The following NCAM2 variants were observed in gnomAD, a reference collection of about 807,000 sequenced individuals.
NCAM2 encodes neural cell adhesion molecule 2, also known as N-CAM-2.
In NCAM2, 30 loss-of-function variants were observed where a neutral mutation model predicts 98.1. The observed-to-expected ratio is 0.31, with a 90% CI of 0.23 to 0.41. The LOEUF (loss-of-function observed/expected upper bound fraction) is 0.41, where lower values mean the gene tolerates loss of function less well. Ranked by LOEUF, NCAM2 falls within the 10% of genes least tolerant of loss-of-function variation. The probability of loss-of-function intolerance (pLI) is 1.00; values close to 1 mark genes in which losing one functional copy is unlikely to be tolerated. For missense variants in NCAM2, 867 were observed against 1,005.8 expected, an observed-to-expected ratio of 0.86 and a Z score of 1.87; for synonymous variants, 368 against 342.4, an observed-to-expected ratio of 1.07 and a Z score of -0.83.
intron 1 of NCAM2, among the ~76,000 whole-genome samples, chr21:21,070,282 T>C (rs1188260119): frequency 6.7e-6 from 1 of 150,138 alleles, no homozygotes; most frequent in Non-Finnish European, 1.5e-5. Flanking sequence ...TATATATATA[T>C]ATATAATCTA....
At position 21,526,813 on chromosome 21, in the gene NCAM2, G is replaced by A. The variant is rs149303692; in HGVS notation, c.2283-7724G>A. Reference sequence around the variant, plus strand: ...GAACCCAATAAAAACCTCAGAAATAGACCTACATAAATATACTCAAGTAAA... The same window carrying A: ...GAACCCAATAAAAACCTCAGAAATAAACCTACATAAATATACTCAAGTAAA... On this transcript the variant is annotated intron_variant, in intron 16 of 17. Transcript: ENST00000400546. 8.9e-4 allele frequency among the ~76,000 whole-genome samples: 135 copies of A among 152,074 alleles called. No individual in the cohort carries two copies. In the South Asian group the frequency reaches 0.012, roughly 13 times the overall value.
intron 1 of NCAM2, among the ~76,000 whole-genome samples, chr21:21,056,765 CA>C (rs1315987848): frequency 6.6e-6 from 1 of 151,910 alleles, no homozygotes; most frequent in Non-Finnish European, 1.5e-5. Flanking sequence ...TTGGTTTAAA[CA>C]TTTTAAAATT....
chr21:21,374,381 T>C (rs2075986618), intron 9 of NCAM2, among the ~76,000 whole-genome samples: 1 of 151,948 alleles, frequency 6.6e-6, no homozygotes, highest in South Asian at 2.1e-4. Flanking sequence ...ATATGTAGTG[T>C]TTACATTTCT....
At chr21:21,183,157 G>A (rs1413643372) in intron 1 of NCAM2, among the ~76,000 whole-genome samples, 1 of 152,062 alleles carries the variant, frequency 6.6e-6, no homozygotes, top group Non-Finnish European at 1.5e-5. Context: ...ATTACTTTTT[G>A]CAGTCTGTAC....
intron 8 of NCAM2, among the ~76,000 whole-genome samples, chr21:21,342,805 C>T (rs913888043): frequency 2.6e-5 from 4 of 152,172 alleles, no homozygotes; most frequent in African/African-American, 9.7e-5. Context: ...TTTGGAAATG[C>T]ATCTACAATT....
chr21:21,485,392 G>A (rs1396521905), intron 15 of NCAM2, among the ~76,000 whole-genome samples: 1 of 151,986 alleles, frequency 6.6e-6, no homozygotes, highest in Non-Finnish European at 1.5e-5. Flanking sequence ...CTGGACATCT[G>A]GTAGTCAGAA....
chr21:21,332,056 C>A (rs994691540), intron 6 of NCAM2, among the ~76,000 whole-genome samples: 1 of 151,856 alleles, frequency 6.6e-6, no homozygotes, highest in Non-Finnish European at 1.5e-5. Context: ...GCGCCCACCA[C>A]CACGCCCAGC....
At chr21:21,112,418 C>A (rs550824493) in intron 1 of NCAM2, among the ~76,000 whole-genome samples, 1 of 152,218 alleles carries the variant, frequency 6.6e-6, no homozygotes, top group Admixed American at 6.5e-5. Flanking sequence ...TCATTTTTTC[C>A]CGCTTGCTTG....
Position 21,466,665 on chromosome 21 carries a change from G to A in NCAM2, c.1714G>A (p.Val572Ile). Residue 572 changes from valine to isoleucine, a missense_variant, in exon 13 of 18, where the codon GTA (valine) becomes ATA (isoleucine). Around this residue, in one of 5 missense-constraint regions of NCAM2, gnomAD observed 234 missense variants for 333.8 expected, o/e 0.70. Coordinates refer to ENST00000400546, the MANE Select transcript of NCAM2 (RefSeq NM_004540.5). ...NTTYEIRVAA[V>I]NGKGQGDYSK... is the part of the protein sequence containing the mutation. ...AACTTATGAAATCAGGGTTGCAGCTGTAAATGGAAAGGGACAAGGAGACTA... is the reference window on the plus strand; with the variant it reads ...AACTTATGAAATCAGGGTTGCAGCTATAAATGGAAAGGGACAAGGAGACTA... The A allele has an allele frequency of 1.2e-6, 2 of 1,610,344 alleles. No homozygotes were observed. Among genetic ancestry groups the A allele is most frequent in the Non-Finnish European group, 1.7e-6 (2 of 1,177,780 alleles).
chr21:21,079,494 G>C (rs1789320335), intron 1 of NCAM2, among the ~76,000 whole-genome samples: 1 of 152,108 alleles, frequency 6.6e-6, no homozygotes, highest in Non-Finnish European at 1.5e-5. Context: ...TATTTTAAAG[G>C]GGTAAACAAT....
Position 21,414,473 on chromosome 21 carries a change from GT to G in NCAM2, c.1384-3985del, listed in dbSNP as rs35280147. 1.4e-3 allele frequency among the ~76,000 whole-genome samples: 199 copies of G among 137,406 alleles called. 2 individuals carry two copies. In the Middle Eastern group the frequency reaches 0.015, roughly 11 times the overall value. 90.1% of individuals were successfully genotyped at this position (137,406 alleles called of 152,430 possible). A position where few individuals can be genotyped will look rare whatever the true frequency, so the allele number is the denominator to read the frequency against. ...ATTGTATTTCTGTTTTTTGTTGTGT[GT>G]TTTTTTTTTTTTTTGAGAGGGAGTC... On this transcript the variant is annotated intron_variant, in intron 10 of 17. Transcript: ENST00000400546.
At chr21:21,098,356 C>A (rs1256614886) in intron 1 of NCAM2, among the ~76,000 whole-genome samples, 1 of 151,646 alleles carries the variant, frequency 6.6e-6, no homozygotes, top group Admixed American at 6.6e-5. Flanking sequence ...GCCTATTAGA[C>A]CTTTTTTCTG....
At chr21:21,325,713 A>C (rs1014817289) in intron 6 of NCAM2, among the ~76,000 whole-genome samples, 1 of 152,212 alleles carries the variant, frequency 6.6e-6, no homozygotes, top group African/African-American at 2.4e-5. Context: ...ACTGTTCTAC[A>C]ATCTTTTTTC....
chr21:21,158,695 G>A (rs953190815), intron 1 of NCAM2, among the ~76,000 whole-genome samples: 13 of 151,650 alleles, frequency 8.6e-5, no homozygotes, highest in East Asian at 1.9e-4. Context: ...TTAGCATATC[G>A]CATTACTCAC....
intron 1 of NCAM2, among the ~76,000 whole-genome samples, chr21:21,266,507 G>T (rs944995340): frequency 3.3e-5 from 5 of 152,120 alleles, no homozygotes; most frequent in Non-Finnish European, 5.9e-5. Context: ...TTAAGAAAAT[G>T]TGGCACATAT....
intron 9 of NCAM2, among the ~76,000 whole-genome samples, chr21:21,394,955 T>C (rs571461803): frequency 5.9e-5 from 9 of 152,274 alleles, no homozygotes; most frequent in East Asian, 1.9e-4. Context: ...CATTTTACTG[T>C]TATTGACTGA....
At chr21:21,530,206 T>C (rs1569141751) in intron 16 of NCAM2, among the ~76,000 whole-genome samples, 1 of 84,202 alleles carries the variant, frequency 1.2e-5, no homozygotes, top group Non-Finnish European at 2.6e-5. Context: ...TAATTATATA[T>C]AATTTAATTT....
At chr21:21,082,281 C>CAAAAAAAAAAA (rs11384165) in intron 1 of NCAM2, among the ~76,000 whole-genome samples, 21 of 127,854 alleles carry the variant, frequency 1.6e-4, no homozygotes, top group South Asian at 2.5e-4. Context: ...GAGCTCAAAA[C>CAAAAAAAAAAA]AAAAAAAAAA....
intron 1 of NCAM2, among the ~76,000 whole-genome samples, chr21:21,268,480 T>C (rs2072369358): frequency 6.6e-6 from 1 of 152,124 alleles, no homozygotes; most frequent in Non-Finnish European, 1.5e-5. Flanking sequence ...GTCTTGGGAG[T>C]TGCCTCACGC....
Sources: gnomAD v4.1 joint callset for allele counts (sites outside exome capture counted in the v4.1 genomes callset) on GRCh38, gnomAD v4.1.1 for gene constraint, gnomAD v4.1.1 regional missense constraint, MANE v1.5 for transcripts, NCBI Gene and HGNC (gene_info 2026-07-23, HGNC 2026-07-21) for gene names.